The following COL19A1 variants were observed in gnomAD, a reference collection of about 807,000 sequenced individuals.
COL19A1 encodes the protein collagen alpha-1(XIX) chain.
Under a neutral mutation model 190.2 loss-of-function variants are expected in COL19A1, and 159 were observed. The observed-to-expected ratio is 0.84, with a 90% CI of 0.73 to 0.95. The LOEUF (loss-of-function observed/expected upper bound fraction) is 0.95. Ranked by LOEUF, COL19A1 falls within the 40% of genes least tolerant of loss-of-function variation. The probability of loss-of-function intolerance (pLI) is 0.00; values close to 1 mark genes in which losing one functional copy is unlikely to be tolerated. For synonymous variants in COL19A1, 509 were observed against 458.9 expected (o/e 1.11, Z -1.39); for missense variants, 1,418 against 1,431.9 (o/e 0.99, Z 0.16).
intron 14 of COL19A1, among the ~76,000 whole-genome samples, 199 bp from the exon 15 acceptor site, chr6:70,068,224 T>C (rs1201359120): frequency 6.6e-6 from 1 of 151,960 alleles, no homozygotes; most frequent in Non-Finnish European, 1.5e-5. Flanking sequence ...TTTTTCTTTC[T>C]GGAGTTAGCT....
At chr6:70,093,755 C>G (rs980773678) in intron 15 of COL19A1, among the ~76,000 whole-genome samples, 1 of 152,074 alleles carries the variant, frequency 6.6e-6, no homozygotes, top group Non-Finnish European at 1.5e-5. Context: ...TTTAATGAAT[C>G]ATTTATTCAG....
At chr6:70,108,662 G>A (rs1784109907) in intron 16 of COL19A1, among the ~76,000 whole-genome samples, 1 of 152,024 alleles carries the variant, frequency 6.6e-6, no homozygotes, top group Non-Finnish European at 1.5e-5. Context: ...ATGCTCTTTT[G>A]AGGTAAAAAT....
chr6:69,947,235 T>C (rs926452262), intron 9 of COL19A1, among the ~76,000 whole-genome samples: 4 of 151,882 alleles, frequency 2.6e-5, no homozygotes, highest in Admixed American at 1.3e-4. Flanking sequence ...CTATAAGACA[T>C]ACTATAATTA....
chr6:69,880,026 T>G (rs1768418805), intron 2 of COL19A1: 1 of 274,002 alleles, frequency 3.6e-6, no homozygotes, highest in African/African-American at 2.2e-5. Flanking sequence ...AACAAGGACA[T>G]ATCTAATCTT....
chr6:70,161,308 A>C (rs1441193130), intron 34 of COL19A1, among the ~76,000 whole-genome samples: 2 of 152,192 alleles, frequency 1.3e-5, no homozygotes, highest in Non-Finnish European at 2.9e-5. Flanking sequence ...GCATTCTGCC[A>C]ATCTAAAATT....
intron 11 of COL19A1, among the ~76,000 whole-genome samples, chr6:70,010,716 C>T (rs1193796870): frequency 7.4e-6 from 1 of 135,540 alleles, no homozygotes; most frequent in African/African-American, 3.2e-5. Context: ...CCTACACCCA[C>T]GGAATCTCGC....
intron 27 of COL19A1, among the ~76,000 whole-genome samples, chr6:70,149,459 G>A (rs1786888725): frequency 6.6e-6 from 1 of 152,066 alleles, no homozygotes; most frequent in Non-Finnish European, 1.5e-5. Context: ...GACAGATTAT[G>A]GTAATGATAT....
chr6:70,036,074 C>A, intron 14 of COL19A1, 135 bp downstream of exon 14: 1 of 774,756 alleles, frequency 1.3e-6, no homozygotes, highest in East Asian at 2.7e-5. Context: ...TGTAGTCAAA[C>A]CTCCACATTT....
At chr6:69,991,561 C>T (rs950196669) in intron 11 of COL19A1, among the ~76,000 whole-genome samples, 8 of 151,988 alleles carry the variant, frequency 5.3e-5, no homozygotes, top group African/African-American at 1.9e-4. Flanking sequence ...TATTTTTTGA[C>T]ATTTTAATAA....
intron 1 of COL19A1, among the ~76,000 whole-genome samples, chr6:69,870,488 A>T (rs1427844271): frequency 6.6e-6 from 1 of 152,198 alleles, no homozygotes; most frequent in Non-Finnish European, 1.5e-5. Context: ...ATCGGAGAGG[A>T]TTGGAAGGAC....
At chr6:70,130,939 T>G (rs1785483754) in intron 18 of COL19A1, 1 of 220,088 alleles carries the variant, frequency 4.5e-6, no homozygotes. Flanking sequence ...CTGGCAGCCA[T>G]TTTTGGTGGG....
chr6:70,007,472 G>A (rs1191528727), intron 11 of COL19A1, among the ~76,000 whole-genome samples: 2 of 151,938 alleles, frequency 1.3e-5, no homozygotes, highest in Non-Finnish European at 2.9e-5. Flanking sequence ...TGACATTATT[G>A]GAGACAGGAA....
chr6:70,058,224 A>C lies in COL19A1; in HGVS notation c.1171-10199A>C, dbSNP rs147479084. Among the ~76,000 whole-genome samples the C allele has an allele frequency of 5.2e-3, 786 of 152,162 alleles. 4 individuals carry two copies. Among genetic ancestry groups the C allele is most frequent in the Non-Finnish European group, 8.0e-3 (545 of 67,890 alleles). ...ATTATGATTAAAATATATTCCTGCA[A>C]CCACATGGAACGATCATATTTCATT... On this transcript the variant is annotated intron_variant, in intron 14 of 50. Coordinates refer to ENST00000620364, the MANE Select transcript of COL19A1 (RefSeq NM_001858.6).
chr6:69,889,022 T>C (rs1395611732), intron 2 of COL19A1, among the ~76,000 whole-genome samples: 2 of 152,182 alleles, frequency 1.3e-5, no homozygotes, highest in Non-Finnish European at 2.9e-5. Context: ...GAAGCCTTTT[T>C]TAAAAAATGC....
At chr6:69,895,400 G>A (rs1159897070) in intron 2 of COL19A1, among the ~76,000 whole-genome samples, 7 of 152,184 alleles carry the variant, frequency 4.6e-5, no homozygotes, top group Admixed American at 2.6e-4. Flanking sequence ...CAAAAATGTC[G>A]CAGGACTTTT....
intron 49 of COL19A1, among the ~76,000 whole-genome samples, chr6:70,202,637 C>A (rs531820797): frequency 6.6e-6 from 1 of 151,940 alleles, no homozygotes; most frequent in African/African-American, 2.4e-5. Context: ...AAGCCGGAGA[C>A]GTATAGAAAG....
chr6:69,994,256 G>A (rs138558427), intron 11 of COL19A1, among the ~76,000 whole-genome samples: 4 of 152,146 alleles, frequency 2.6e-5, no homozygotes, highest in African/African-American at 9.7e-5. Flanking sequence ...TGATTTTAAT[G>A]ATGTTAAATT....
At chr6:69,921,127 T>A (rs1322326969) in intron 4 of COL19A1, among the ~76,000 whole-genome samples, 1 of 117,272 alleles carries the variant, frequency 8.5e-6, no homozygotes, top group African/African-American at 3.3e-5. Context: ...ATATCACATA[T>A]GTATCACATA....
chr6:70,105,712 G>C (rs1783911533), intron 16 of COL19A1, among the ~76,000 whole-genome samples: 1 of 152,166 alleles, frequency 6.6e-6, no homozygotes, highest in Non-Finnish European at 1.5e-5. Flanking sequence ...AGGATCTACA[G>C]TTTTTCTAAT....
Sources: allele counts gnomAD v4.1 joint callset (sites outside exome capture counted in the v4.1 genomes callset), GRCh38; gene constraint gnomAD v4.1.1; transcripts MANE v1.5; gene names NCBI Gene and HGNC (gene_info 2026-07-23, HGNC 2026-07-21).